The following FBN2 variants were observed in gnomAD, a reference collection of about 807,000 sequenced individuals.
FBN2 encodes the protein fibrillin-2.
Under a neutral mutation model 355.6 loss-of-function variants are expected in FBN2, and 105 were observed. That is an observed-to-expected ratio of 0.30 (90% CI 0.25 to 0.35). The LOEUF is 0.35. Among genes scored for constraint, FBN2 ranks in the 10% least tolerant of loss-of-function variants. The pLI, the probability that FBN2 is intolerant of heterozygous loss-of-function variation, is 1.00. For missense variants in FBN2, 3,280 were observed against 3,758.7 expected (o/e 0.87, Z 3.33); for synonymous variants, 1,350 against 1,301.2 (o/e 1.04, Z -0.81).
At chr5:128,311,666 G>A (rs1318833616) in intron 38 of FBN2, among the ~76,000 whole-genome samples, 1 of 152,266 alleles carries the variant, frequency 6.6e-6, no homozygotes, top group East Asian at 1.9e-4. Flanking sequence ...GAGGACAATG[G>A]GAAAGAGTTT....
At chr5:128,525,040 G>T (rs1756526607) in intron 4 of FBN2, among the ~76,000 whole-genome samples, 1 of 152,088 alleles carries the variant, frequency 6.6e-6, no homozygotes, top group South Asian at 2.1e-4. Flanking sequence ...AAGAACAAGA[G>T]ACACACCCAC....
At chr5:128,442,997 C>T (rs1284926767) in intron 7 of FBN2, among the ~76,000 whole-genome samples, 1 of 152,142 alleles carries the variant, frequency 6.6e-6, no homozygotes, top group African/African-American at 2.4e-5. Flanking sequence ...TTAATAAAAA[C>T]TATATATGCT....
intron 6 of FBN2, among the ~76,000 whole-genome samples, chr5:128,449,371 A>AT (rs1472128686): frequency 4.7e-5 from 6 of 128,730 alleles, no homozygotes; most frequent in African/African-American, 2.0e-4. Context: ...ATACTGTATA[A>AT]TTTATAGTAT....
rs1457278152 is a variant in FBN2, at chr5:128,513,628, G to A, written c.628+5645C>T. On this transcript the variant is annotated intron_variant, in intron 5 of 64. Transcript: ENST00000262464. ...CAGTCTTATTTTACAGATCTAAACA[G>A]CAGACTCTTAAATTAAGGATTAAGA... Among the ~76,000 whole-genome samples the A allele has an allele frequency of 2.6e-5, 4 of 152,324 alleles. No individual in the cohort carries two copies. The East Asian group carries it at 7.7e-4, about 29-fold the overall frequency.
rs752384882 is a variant in FBN2, at chr5:128,259,736, C to T, written c.8458G>A (p.Glu2820Lys). 2.1e-5 allele frequency: 34 copies of T among 1,613,822 alleles called. No homozygotes were observed. The highest frequency in any genetic ancestry group is 2.5e-5 in the Non-Finnish European group (30 of 1,179,938). ...SHLGSKEHIL[E>K]LRPAIQPLNN... is the part of the protein sequence containing the mutation. ...AGGGGCTGGATGGCGGGCCTTAGTT[C>T]CAGGATGTGCTCCTTAGAGCCGAGG... is the stretch of plus-strand genomic sequence containing the variant. The change falls in exon 65 of 65, where the codon GAA (glutamate) becomes AAA (lysine). Residue 2820 changes from glutamate to lysine, a missense_variant. Coordinates refer to ENST00000262464, the MANE Select transcript of FBN2 (RefSeq NM_001999.4).
At chr5:128,467,666 C>T (rs1318978958) in intron 5 of FBN2, among the ~76,000 whole-genome samples, 1 of 152,106 alleles carries the variant, frequency 6.6e-6, no homozygotes, top group Non-Finnish European at 1.5e-5. Flanking sequence ...CACAAGGATA[C>T]TTGCAGTGTG....
chr5:128,449,386 T>C (rs1754163482), intron 6 of FBN2, among the ~76,000 whole-genome samples: 1 of 95,226 alleles, frequency 1.1e-5, no homozygotes, highest in Admixed American at 1.0e-4. Flanking sequence ...TAGTATACTA[T>C]ATAATAGTAT....
chr5:128,326,505 T>G (rs1750551251), intron 34 of FBN2, among the ~76,000 whole-genome samples: 1 of 152,208 alleles, frequency 6.6e-6, no homozygotes, highest in African/African-American at 2.4e-5. Context: ...CTTCAATAAT[T>G]TTTTGAATTC....
At chr5:128,476,800 T>C (rs2127101615) in intron 5 of FBN2, among the ~76,000 whole-genome samples, 1 of 152,292 alleles carries the variant, frequency 6.6e-6, no homozygotes, top group Middle Eastern at 3.4e-3. Flanking sequence ...GGGGATCAAG[T>C]CCTTAGTCAC....
At chr5:128,380,507 G>A (rs1468401022) in intron 11 of FBN2, among the ~76,000 whole-genome samples, 2 of 152,030 alleles carry the variant, frequency 1.3e-5, no homozygotes, top group African/African-American at 4.8e-5. Context: ...TGTTACTATG[G>A]CAGCTCTGTC....
chr5:128,530,365 CA>C (rs1756670810), intron 3 of FBN2, among the ~76,000 whole-genome samples: 1 of 152,294 alleles, frequency 6.6e-6, no homozygotes, highest in Non-Finnish European at 1.5e-5. Flanking sequence ...TACACTTAGG[CA>C]TCAGAATACC....
chr5:128,335,317 C>G (rs141898560), intron 29 of FBN2, 22 bp from the exon 30 acceptor site: 1 of 1,614,030 alleles, frequency 6.2e-7, no homozygotes, highest in African/African-American at 1.3e-5. Context: ...AAATTAGCAT[C>G]AAATGAAAAT....
intron 48 of FBN2, among the ~76,000 whole-genome samples, chr5:128,296,050 C>A (rs1393935568): frequency 6.6e-6 from 1 of 151,858 alleles, no homozygotes; most frequent in Admixed American, 6.6e-5. Flanking sequence ...GCATGAAGCA[C>A]TGTTGAATTT....
At chr5:128,503,613 G>C (rs964638941) in intron 5 of FBN2, among the ~76,000 whole-genome samples, 2 of 152,188 alleles carry the variant, frequency 1.3e-5, no homozygotes, top group African/African-American at 4.8e-5. Context: ...CCCTGTCCTA[G>C]AGGTCTGTGG....
chr5:128,408,941 G>T, intron 7 of FBN2, 142 bp from the exon 8 acceptor site: 1 of 914,750 alleles, frequency 1.1e-6, no homozygotes, highest in South Asian at 1.5e-5. Context: ...CTTGTTTCAG[G>T]CCCCAAAGAA....
intron 22 of FBN2, 98 bp from the exon 23 acceptor site, chr5:128,349,570 A>T: frequency 7.4e-7 from 1 of 1,352,302 alleles, no homozygotes; most frequent in Non-Finnish European, 1.0e-6. Context: ...TCCACATTCA[A>T]TACAATGTGG....
intron 59 of FBN2, among the ~76,000 whole-genome samples, chr5:128,275,054 T>C (rs1765355743): frequency 6.6e-6 from 1 of 152,056 alleles, no homozygotes; most frequent in African/African-American, 2.4e-5. Flanking sequence ...TAAATAAAAA[T>C]GAAACAGAAT....
intron 4 of FBN2, among the ~76,000 whole-genome samples, chr5:128,520,753 T>C (rs1756410489): frequency 6.6e-6 from 1 of 152,116 alleles, no homozygotes; most frequent in South Asian, 2.1e-4. Context: ...GTTGATAAGT[T>C]ACACTTCAAT....
chr5:128,524,164 T>C (rs1039353958), intron 4 of FBN2, among the ~76,000 whole-genome samples: 3 of 152,132 alleles, frequency 2.0e-5, no homozygotes, highest in African/African-American at 7.2e-5. Flanking sequence ...GTTTCCAAAA[T>C]ACATGGAGTC....
Sources: allele counts gnomAD v4.1 joint callset (sites outside exome capture counted in the v4.1 genomes callset), GRCh38; gene constraint gnomAD v4.1.1; transcripts MANE v1.5; gene names NCBI Gene and HGNC (gene_info 2026-07-23, HGNC 2026-07-21).